Variants in RNF24 observed in about 807,000 individuals in gnomAD.
The protein encoded by RNF24 is ring finger protein 24.
RNF24 carries 14 observed loss-of-function variants against 20.0 expected under a neutral mutation model. The observed-to-expected ratio is 0.70, with a 90% CI of 0.46 to 1.10. RNF24 has a LOEUF of 1.10. Ranked by LOEUF, RNF24 falls within the 50% of genes least tolerant of loss-of-function variation. The pLI, the probability that RNF24 is intolerant of heterozygous loss-of-function variation, is 0.00. For missense variants in RNF24, 124 were observed against 177.6 expected (o/e 0.70, Z 1.71); for synonymous variants, 45 against 61.1 (o/e 0.74, Z 1.23).
chr20:3,964,421 AT>A (rs2091236491), intron 1 of RNF24, among the ~76,000 whole-genome samples: 2 of 152,346 alleles, frequency 1.3e-5, no homozygotes, highest in Admixed American at 1.3e-4. Context: ...AATATTTATA[AT>A]GGTAAAATAT....
chr20:3,961,036 G>T (rs568138714), intron 2 of RNF24, among the ~76,000 whole-genome samples: 3 of 152,158 alleles, frequency 2.0e-5, no homozygotes, highest in South Asian at 2.1e-4. Flanking sequence ...CAAGTGATCC[G>T]CCTGCCTTGG....
At chr20:3,980,595 G>A (rs1979296786) in intron 1 of RNF24, among the ~76,000 whole-genome samples, 1 of 152,104 alleles carries the variant, frequency 6.6e-6, no homozygotes, top group Non-Finnish European at 1.5e-5. Flanking sequence ...AAGCGAAACT[G>A]AAAATAAGGG....
chr20:3,982,992 AG>A (rs994320686), intron 1 of RNF24, among the ~76,000 whole-genome samples: 3 of 152,196 alleles, frequency 2.0e-5, no homozygotes, highest in African/African-American at 7.2e-5. Context: ...TCCTTATAAA[AG>A]GAAGAGTTCA....
At chr20:3,983,407 T>C (rs6037709) in intron 1 of RNF24, among the ~76,000 whole-genome samples, 134,933 of 152,040 alleles carry the variant, frequency 0.89, 60,214 homozygotes, top group Non-Finnish European at 0.92. Flanking sequence ...ACTGGTTATT[T>C]CTAGCATTTA....
In RNF24 at chr20:3,934,232, G is replaced by A. The variant is rs751434432; in HGVS notation, c.309-31C>T. On this transcript the variant is annotated intron_variant, in intron 5 of 5. Coordinates refer to ENST00000358395, the MANE Select transcript of RNF24 (RefSeq NM_001134337.3). This position sits in a 1 kb window ranked among gnomAD's most constrained non-coding sequence, Gnocchi z 4.0. ...GAAGGAGACACCACAGGGGGAAGAT[G>A]TCAGTCCTATGCTCATGGCACGGCT... The A allele has an allele frequency of 6.3e-7, 1 of 1,596,944 alleles. No homozygotes were observed. The highest frequency in any genetic ancestry group is 1.1e-5 in the South Asian group (1 of 89,686).
Position 3,983,955 on chromosome 20 carries a change from A to C in RNF24, c.-7-19931T>G, listed in dbSNP as rs541318112. Among the ~76,000 whole-genome samples the C allele has an allele frequency of 1.3e-3, 202 of 151,424 alleles. 3 individuals carry two copies. Among genetic ancestry groups the C allele is most frequent in the African/African-American group, 4.5e-3 (186 of 41,304 alleles). On this transcript the variant is annotated intron_variant, in intron 1 of 5. Transcript: ENST00000358395. ...GACTTGGTCTCAAAAAAAAAAAAAA[A>C]AAAAAAAAAACAAGTGAAAAAGTCT... is the stretch of plus-strand genomic sequence containing the variant.
At position 3,932,783 on chromosome 20, in the gene RNF24, C is replaced by T; in HGVS notation, c.*1280G>A. On this transcript the variant is annotated 3_prime_UTR_variant, in exon 6 of 6. Coordinates refer to ENST00000358395, the MANE Select transcript of RNF24 (RefSeq NM_001134337.3). Reference sequence around the variant, plus strand: ...GGAAAAGAATTTTCCATCTGACCTGCTACTTTCCATAGCTAATTTATACAA... The same window carrying T: ...GGAAAAGAATTTTCCATCTGACCTGTTACTTTCCATAGCTAATTTATACAA... 1 of 397,644 alleles carries T rather than the reference C, an allele frequency of 2.5e-6. No homozygotes were observed. The highest frequency in any genetic ancestry group is 4.4e-6 in the Non-Finnish European group (1 of 225,982). The allele number at this position is 397,644 out of a possible 1,614,324, so 24.6% of individuals were successfully genotyped here.
chr20:3,928,517 G>A lies in RNF24; in HGVS notation c.*5546C>T, dbSNP rs2090761769. 1 of 152,156 alleles carries A rather than the reference G, an allele frequency of 6.6e-6. No homozygotes were observed. The highest frequency in any genetic ancestry group is 2.4e-5 in the African/African-American group (1 of 41,414). 9.4% of individuals were successfully genotyped at this position (152,156 alleles called of 1,614,324 possible). A position where few individuals can be genotyped will look rare whatever the true frequency, so the allele number is the denominator to read the frequency against. ...TCACGCCTGTAATCCCAGCACTTTGGGAGGTCAAGGCAGGTGCATCACGAG... is the reference window on the plus strand; with the variant it reads ...TCACGCCTGTAATCCCAGCACTTTGAGAGGTCAAGGCAGGTGCATCACGAG... On this transcript the variant is annotated 3_prime_UTR_variant, in exon 6 of 6. Transcript: ENST00000358395.
At chr20:3,997,994 T>A (rs1981028908) in intron 1 of RNF24, among the ~76,000 whole-genome samples, 1 of 152,196 alleles carries the variant, frequency 6.6e-6, no homozygotes, top group African/African-American at 2.4e-5. Context: ...TGGCTTTTAT[T>A]TTTCAAACTA....
chr20:4,004,316 G>T (rs1037550057), intron 1 of RNF24, among the ~76,000 whole-genome samples: 2 of 151,996 alleles, frequency 1.3e-5, no homozygotes, highest in African/African-American at 4.8e-5. Flanking sequence ...TCCACACTTT[G>T]TATCATGGTC....
rs539046132 is a variant in RNF24 at position 3,961,703 on chromosome 20, C to T, written c.143+2172G>A. ...CCTTAATAACATTTTCTTTTTTTTA[C>T]ATTTTGTTATATTTTTATATTTTTT... On this transcript the variant is annotated intron_variant, in intron 2 of 5. Transcript: ENST00000358395. 4.3e-4 allele frequency among the ~76,000 whole-genome samples: 65 copies of T among 150,130 alleles called. 1 individual carries two copies. The highest frequency in any genetic ancestry group is 1.5e-3 in the African/African-American group (63 of 41,040).
At chr20:4,003,446 C>A (rs1400074459) in intron 1 of RNF24, among the ~76,000 whole-genome samples, 1 of 152,054 alleles carries the variant, frequency 6.6e-6, no homozygotes, top group Non-Finnish European at 1.5e-5. Flanking sequence ...TCAAAGTAAA[C>A]AGAACAGAAA....
chr20:3,947,443 G>A (rs2091032347), intron 3 of RNF24, among the ~76,000 whole-genome samples: 1 of 152,198 alleles, frequency 6.6e-6, no homozygotes, highest in Non-Finnish European at 1.5e-5. Context: ...AATCAGTGAA[G>A]GACTAGGTAT....
In RNF24 at chr20:3,929,378, A is replaced by AACAAG. The variant is rs1356291901; in HGVS notation, c.*4680_*4684dup. ...GGTGCCACTGCACTCCAGTCTGGGT[A>AACAAG]ACAAGACCCTGTCTCAACAACAACG... is the stretch of plus-strand genomic sequence containing the variant. On this transcript the variant is annotated 3_prime_UTR_variant, in exon 6 of 6. Transcript: ENST00000358395. The AACAAG allele has an allele frequency of 1.3e-5, 2 of 152,382 alleles. No individual in the cohort carries two copies. The highest frequency in any genetic ancestry group is 2.9e-5 in the Non-Finnish European group (2 of 68,146). The allele number at this position is 152,382 out of a possible 1,614,324, so 9.4% of individuals were successfully genotyped here. A position where few individuals can be genotyped will look rare whatever the true frequency, so the allele number is the denominator to read the frequency against.
At chr20:3,999,059 G>A (rs1198733865) in intron 1 of RNF24, among the ~76,000 whole-genome samples, 2 of 152,126 alleles carry the variant, frequency 1.3e-5, no homozygotes, top group Admixed American at 1.3e-4. Context: ...AGGCCTGGGT[G>A]ACAGAGCAAG....
chr20:3,987,311 C>G (rs1442761492), intron 1 of RNF24, among the ~76,000 whole-genome samples: 1 of 152,144 alleles, frequency 6.6e-6, no homozygotes, highest in Non-Finnish European at 1.5e-5. Context: ...AAATACGAAG[C>G]AATGAGCGGT....
In RNF24 at chr20:3,966,157, A is replaced by G. The variant is rs920071804; in HGVS notation, c.-7-2133T>C. Reference sequence around the variant, plus strand: ...TCAAAAAAAAAAAAAAAAAAAAAAAAAAGAAGAAAATAAGAGAATAAACAT... The same window carrying G: ...TCAAAAAAAAAAAAAAAAAAAAAAAGAAGAAGAAAATAAGAGAATAAACAT... On this transcript the variant is annotated intron_variant, in intron 1 of 5. Transcript: ENST00000358395. 6.1e-4 allele frequency among the ~76,000 whole-genome samples: 90 copies of G among 147,310 alleles called. 1 individual carries two copies. Among genetic ancestry groups the G allele is most frequent in the East Asian group, 3.1e-3 (16 of 5,132 alleles).
intron 1 of RNF24, among the ~76,000 whole-genome samples, chr20:3,994,784 A>C (rs1327833554): frequency 6.6e-6 from 1 of 152,182 alleles, no homozygotes; most frequent in African/African-American, 2.4e-5. Context: ...TTAATGGTGA[A>C]TTCTTAGTTA....
At chr20:4,001,590 T>C (rs1352772144) in intron 1 of RNF24, among the ~76,000 whole-genome samples, 1 of 152,058 alleles carries the variant, frequency 6.6e-6, no homozygotes. Context: ...AAAATCACCC[T>C]TATTTCTGGT....
Sources: allele counts gnomAD v4.1 joint callset (sites outside exome capture counted in the v4.1 genomes callset), GRCh38; gene constraint gnomAD v4.1.1; non-coding constraint Gnocchi (gnomAD v3.1); transcripts MANE v1.5; gene names NCBI Gene and HGNC (gene_info 2026-07-23, HGNC 2026-07-21).